Variants in ATRN observed in about 807,000 individuals in gnomAD.
The protein encoded by ATRN is attractin-2.
ATRN carries 54 observed loss-of-function variants against 178.7 expected under a neutral mutation model. The observed-to-expected ratio is 0.30, with a 90% CI of 0.24 to 0.38. The LOEUF (loss-of-function observed/expected upper bound fraction) is 0.38, where lower values mean the gene tolerates loss of function less well. ATRN is among the 10% of genes least tolerant of loss of function. The probability of loss-of-function intolerance (pLI) is 1.00; values close to 1 mark genes in which losing one functional copy is unlikely to be tolerated. For synonymous variants in ATRN, 636 were observed against 663.0 expected, an observed-to-expected ratio of 0.96 and a Z score of 0.63; for missense variants, 1,443 against 1,815.1, an observed-to-expected ratio of 0.79 and a Z score of 3.73.
intron 2 of ATRN, 137 bp downstream of exon 2, chr20:3,535,473 G>T (rs2085517001): frequency 2.8e-6 from 1 of 352,012 alleles, no homozygotes; most frequent in Non-Finnish European, 5.2e-6. Flanking sequence ...CATTTGACAA[G>T]TGAATTTTAT....
At chr20:3,644,448 C>T (rs1249014880) in intron 28 of ATRN, among the ~76,000 whole-genome samples, 180 bp downstream of exon 28, 4 of 152,326 alleles carry the variant, frequency 2.6e-5, no homozygotes, top group Middle Eastern at 3.4e-3. Context: ...ACTGTTTTCC[C>T]GAGGTCATCG....
chr20:3,613,277 T>C (rs537249327), intron 24 of ATRN, among the ~76,000 whole-genome samples: 1 of 152,204 alleles, frequency 6.6e-6, no homozygotes, highest in Non-Finnish European at 1.5e-5. Context: ...TTGGTACAAA[T>C]GACTGCACTA....
chr20:3,586,081 C>T (rs1040809309), intron 18 of ATRN, among the ~76,000 whole-genome samples: 1 of 152,126 alleles, frequency 6.6e-6, no homozygotes, highest in Non-Finnish European at 1.5e-5. Context: ...ACATATGTTA[C>T]CCAAAAACTT....
At chr20:3,628,647 A>G (rs1162256197) in intron 25 of ATRN, among the ~76,000 whole-genome samples, 4 of 152,044 alleles carry the variant, frequency 2.6e-5, no homozygotes, top group Non-Finnish European at 5.9e-5. Context: ...GTTCAGTACT[A>G]TCCATGGTTT....
chr20:3,560,954 C>T (rs766254141), intron 8 of ATRN, 49 bp downstream of exon 8: 6 of 1,585,292 alleles, frequency 3.8e-6, no homozygotes, highest in Non-Finnish European at 5.2e-6. Context: ...AGATTTAAAA[C>T]CTCTAAGCTT....
chr20:3,616,759 C>T (rs1435509461), intron 24 of ATRN, among the ~76,000 whole-genome samples: 1 of 152,012 alleles, frequency 6.6e-6, no homozygotes, highest in African/African-American at 2.4e-5. Context: ...TTGGAAGGAG[C>T]CAGGCCTAAG....
intron 1 of ATRN, among the ~76,000 whole-genome samples, chr20:3,504,771 C>G (rs1341435071): frequency 6.7e-6 from 1 of 150,224 alleles, no homozygotes; most frequent in Non-Finnish European, 1.5e-5. Flanking sequence ...TTTCATCAGT[C>G]CTATTTGATG....
chr20:3,550,395 G>A (rs1373556909), intron 6 of ATRN, among the ~76,000 whole-genome samples: 1 of 152,154 alleles, frequency 6.6e-6, no homozygotes, highest in African/African-American at 2.4e-5. Flanking sequence ...CAGGAGTATA[G>A]TTTGAAGTCG....
chr20:3,580,151 A>G (rs560922504), intron 15 of ATRN, among the ~76,000 whole-genome samples: 18 of 152,256 alleles, frequency 1.2e-4, no homozygotes, highest in African/African-American at 4.1e-4. Flanking sequence ...GGTCTCTTCC[A>G]GCATTCCATC....
intron 1 of ATRN, among the ~76,000 whole-genome samples, chr20:3,528,765 T>C (rs1009975327): frequency 2.6e-5 from 4 of 152,110 alleles, no homozygotes; most frequent in African/African-American, 9.7e-5. Flanking sequence ...CATTACAAAA[T>C]AATATGTGCA....
chr20:3,493,204 G>A (rs2084831703), intron 1 of ATRN, among the ~76,000 whole-genome samples: 1 of 150,958 alleles, frequency 6.6e-6, no homozygotes, highest in South Asian at 2.1e-4. Context: ...CCAGGCTGGA[G>A]TGCAGTGGCA....
intron 1 of ATRN, among the ~76,000 whole-genome samples, chr20:3,508,032 A>G (rs367605575): frequency 2.2e-4 from 33 of 152,012 alleles, no homozygotes; most frequent in African/African-American, 7.7e-4. Flanking sequence ...CAACCAGTGG[A>G]TTGAGACACA....
At chr20:3,489,755 A>G in intron 1 of ATRN, 1 of 1,484,168 alleles carries the variant, frequency 6.7e-7, no homozygotes, top group East Asian at 2.3e-5. Flanking sequence ...GATGCTATTC[A>G]GCAAAGTGTC....
chr20:3,575,790 AGTT>A (rs777117123), intron 12 of ATRN, 34 bp from the exon 13 acceptor site: 3 of 1,569,408 alleles, frequency 1.9e-6, no homozygotes, highest in South Asian at 1.2e-5. Context: ...GCTCAATTGA[AGTT>A]GTCCCAGTTC....
chr20:3,575,686 G>A, intron 12 of ATRN, 141 bp from the exon 13 acceptor site: 1 of 931,282 alleles, frequency 1.1e-6, no homozygotes, highest in Non-Finnish European at 1.6e-6. Context: ...ATTTTAACCA[G>A]AACATACCAA....
rs961781154 is a variant in ATRN, at chr20:3,647,566, G to A, written c.*719G>A. 5.3e-5 allele frequency: 8 copies of A among 152,120 alleles called. No homozygotes were observed. The highest frequency in any genetic ancestry group is 1.9e-4 in the African/African-American group (8 of 41,404). 9.4% of individuals were successfully genotyped at this position (152,120 alleles called of 1,614,324 possible). A position where few individuals can be genotyped will look rare whatever the true frequency, so the allele number is the denominator to read the frequency against. On this transcript the variant is annotated 3_prime_UTR_variant, in exon 29 of 29. Transcript: ENST00000262919. ...ACTCTCTCTTCCTTTCTCTCTGCCTGTCCCTCTCCTTCTCCATCTCACCCT... is the reference window on the plus strand; with the variant it reads ...ACTCTCTCTTCCTTTCTCTCTGCCTATCCCTCTCCTTCTCCATCTCACCCT...
chr20:3,593,228 G>A (rs972505878), intron 19 of ATRN, among the ~76,000 whole-genome samples: 5 of 152,088 alleles, frequency 3.3e-5, no homozygotes, highest in Non-Finnish European at 7.3e-5. Flanking sequence ...AGATCTACAG[G>A]GCCTGAGTAC....
chr20:3,502,445 A>G (rs187438882), intron 1 of ATRN, among the ~76,000 whole-genome samples: 2 of 152,176 alleles, frequency 1.3e-5, no homozygotes, highest in Non-Finnish European at 2.9e-5. Context: ...AGCATCTTGC[A>G]TCCTCCCATC....
rs751841658 is a variant in ATRN, at chr20:3,584,090, G to GA, written c.2950+12dup. Reference sequence around the variant, plus strand: ...ACGATGAGCACCTGCCCCCGTAAGTGAAAAAGGGAGCCCTAGGCACTTATG... The same window carrying GA: ...ACGATGAGCACCTGCCCCCGTAAGTGAAAAAAGGGAGCCCTAGGCACTTATG... On this transcript the variant is annotated splice_region_variant and intron_variant, in intron 17 of 28. Coordinates refer to ENST00000262919, the MANE Select transcript of ATRN (RefSeq NM_139321.3). 1.2e-6 allele frequency: 2 copies of GA among 1,610,946 alleles called. No homozygotes were observed. Among genetic ancestry groups the GA allele is most frequent in the East Asian group, 4.5e-5 (2 of 44,822 alleles).
Sources: allele counts gnomAD v4.1 joint callset (sites outside exome capture counted in the v4.1 genomes callset), GRCh38; gene constraint gnomAD v4.1.1; transcripts MANE v1.5; gene names NCBI Gene and HGNC (gene_info 2026-07-23, HGNC 2026-07-21).